The following DACH2 variants were observed in gnomAD, a reference collection of about 807,000 sequenced individuals.
The protein encoded by DACH2 is dachshund family transcription factor 2.
DACH2 carries 17 observed loss-of-function variants against 35.8 expected under a neutral mutation model. The observed-to-expected ratio is 0.48, with a 90% CI of 0.33 to 0.71. The LOEUF is 0.71. Ranked by LOEUF, DACH2 falls within the 30% of genes least tolerant of loss-of-function variation. The pLI is 0.02. For missense variants in DACH2, 469 were observed against 472.7 expected (o/e 0.99, Z 0.07); for synonymous variants, 195 against 177.3 (o/e 1.10, Z -0.79).
chrX:86,280,660 T>A (rs1457776037), intron 1 of DACH2, among the ~76,000 whole-genome samples: 2 of 111,825 alleles, frequency 1.8e-5, no homozygotes, highest in Non-Finnish European at 3.8e-5. Flanking sequence ...GACTGGCAAA[T>A]TGGATAAAGA....
intron 2 of DACH2, among the ~76,000 whole-genome samples, chrX:86,461,742 A>T (rs1018753003): frequency 2.2e-4 from 25 of 111,707 alleles, no homozygotes; most frequent in Non-Finnish European, 1.1e-4. Context: ...GCATATAAAA[A>T]TGGAGGTTCT....
At chrX:86,757,998 G>A (rs779317756) in intron 7 of DACH2, among the ~76,000 whole-genome samples, 1 of 112,060 alleles carries the variant, frequency 8.9e-6, no homozygotes, top group South Asian at 3.6e-4. Flanking sequence ...TAGGCTGTAT[G>A]TGTCTATAAA....
At chrX:86,544,693 TA>T (rs2038933857) in intron 3 of DACH2, among the ~76,000 whole-genome samples, 1 of 111,350 alleles carries the variant, frequency 9.0e-6, no homozygotes, top group Admixed American at 9.6e-5. Flanking sequence ...TAAAACACAC[TA>T]AGTACAAAGA....
At chrX:86,461,922 G>A (rs2037580807) in intron 2 of DACH2, among the ~76,000 whole-genome samples, 1 of 110,989 alleles carries the variant, frequency 9.0e-6, no homozygotes, top group Non-Finnish European at 1.9e-5. Flanking sequence ...TATTCATTGG[G>A]TATATTTTCT....
intron 2 of DACH2, among the ~76,000 whole-genome samples, chrX:86,456,486 C>T (rs921018338): frequency 9.0e-6 from 1 of 111,466 alleles, no homozygotes; most frequent in Non-Finnish European, 1.9e-5. Flanking sequence ...ACAAAATATT[C>T]CTAATTCCTT....
At position 86,389,153 on chromosome X, in the gene DACH2, C is replaced by G. The variant is rs186327286; in HGVS notation, c.527+12291C>G. On this transcript the variant is annotated intron_variant, in intron 2 of 11. Transcript: ENST00000373125. Reference sequence around the variant, plus strand: ...CTGGTACTTTCATTTAAATTATTCACTACAGTTTTCCACCAAATATCTTAG... The same window carrying G: ...CTGGTACTTTCATTTAAATTATTCAGTACAGTTTTCCACCAAATATCTTAG... Among the ~76,000 whole-genome samples, 602 of 111,881 alleles carry G rather than the reference C, an allele frequency of 5.4e-3. 16 individuals are homozygous for G. Among genetic ancestry groups the G allele is most frequent in the Admixed American group, 0.053 (554 of 10,460 alleles).
intron 1 of DACH2, among the ~76,000 whole-genome samples, chrX:86,284,617 A>G (rs960845598): frequency 9.7e-6 from 1 of 102,571 alleles, no homozygotes; most frequent in African/African-American, 3.9e-5. Flanking sequence ...CTGGTTTCAT[A>G]GAATGAGTTT....
chrX:86,562,252 T>G (rs897809300), intron 3 of DACH2, among the ~76,000 whole-genome samples: 1 of 111,182 alleles, frequency 9.0e-6, no homozygotes, highest in Non-Finnish European at 1.9e-5. Flanking sequence ...TTTTGTTTTG[T>G]TTTTTGCCAG....
At chrX:86,582,777 A>C (rs887544108) in intron 3 of DACH2, among the ~76,000 whole-genome samples, 4 of 110,443 alleles carry the variant, frequency 3.6e-5, no homozygotes, top group African/African-American at 1.3e-4. Context: ...AAAGTCTACC[A>C]GATGTGTAAA....
chrX:86,758,964 T>A (rs1797795543), intron 7 of DACH2, among the ~76,000 whole-genome samples: 1 of 112,045 alleles, frequency 8.9e-6, no homozygotes, highest in Non-Finnish European at 1.9e-5. Context: ...ATTAATTTAT[T>A]ATTTACTCTA....
chrX:86,744,402 G>A (rs1429216635), intron 7 of DACH2, among the ~76,000 whole-genome samples: 2 of 111,705 alleles, frequency 1.8e-5, no homozygotes, highest in African/African-American at 6.5e-5. Flanking sequence ...GTTATTAAAA[G>A]GGAATGAGTT....
At chrX:86,536,146 G>A (rs192066758) in intron 3 of DACH2, among the ~76,000 whole-genome samples, 6 of 110,706 alleles carry the variant, frequency 5.4e-5, no homozygotes, top group African/African-American at 2.0e-4. Flanking sequence ...GCTGTTTATA[G>A]CTTTCTTTGG....
At chrX:86,534,144 G>A (rs1450653834) in intron 3 of DACH2, among the ~76,000 whole-genome samples, 1 of 111,869 alleles carries the variant, frequency 8.9e-6, no homozygotes, top group Non-Finnish European at 1.9e-5. Context: ...ACTTGTCTTT[G>A]CAGTATTCCA....
intron 3 of DACH2, among the ~76,000 whole-genome samples, chrX:86,604,902 G>A (rs1017314180): frequency 1.8e-5 from 2 of 111,655 alleles, no homozygotes; most frequent in African/African-American, 6.5e-5. Flanking sequence ...CGTCTGTGAG[G>A]ACTCAGAAAA....
chrX:86,729,139 A>G (rs1318967027), intron 6 of DACH2, among the ~76,000 whole-genome samples: 2 of 112,473 alleles, frequency 1.8e-5, no homozygotes, highest in African/African-American at 6.5e-5. Flanking sequence ...CCACAGGGGC[A>G]GAGCTGCCCA....
intron 5 of DACH2, among the ~76,000 whole-genome samples, chrX:86,709,166 G>C (rs1420126743): frequency 9.0e-6 from 1 of 111,674 alleles, no homozygotes; most frequent in African/African-American, 3.3e-5. Context: ...TAAAGTTATA[G>C]TAATCATGGT....
intron 7 of DACH2, among the ~76,000 whole-genome samples, chrX:86,770,382 T>A (rs1330545893): frequency 3.6e-5 from 4 of 111,848 alleles, no homozygotes; most frequent in Non-Finnish European, 7.5e-5. Context: ...CTTGGCTGAT[T>A]TTGACTTGAG....
At chrX:86,672,340 A>C (rs1019704191) in intron 4 of DACH2, among the ~76,000 whole-genome samples, 2 of 112,112 alleles carry the variant, frequency 1.8e-5, no homozygotes, top group Non-Finnish European at 1.9e-5. Flanking sequence ...AGAGGTGCCA[A>C]ATGTTAATAG....
At chrX:86,324,014 C>A (rs1455922989) in intron 1 of DACH2, among the ~76,000 whole-genome samples, 1 of 111,720 alleles carries the variant, frequency 9.0e-6, no homozygotes, top group African/African-American at 3.3e-5. Context: ...CCTTCTAATC[C>A]TAGGCGAGCC....
Sources: gnomAD v4.1 joint callset for allele counts (sites outside exome capture counted in the v4.1 genomes callset) on GRCh38, gnomAD v4.1.1 for gene constraint, MANE v1.5 for transcripts, NCBI Gene and HGNC (gene_info 2026-07-23, HGNC 2026-07-21) for gene names.